Variants in FHIP1A observed in about 807,000 individuals in gnomAD.
FHIP1A encodes FHF complex subunit HOOK-interacting protein 1A.
A neutral mutation model predicts 88.6 loss-of-function variants in FHIP1A; 61 were observed. The observed-to-expected ratio is 0.69, with a 90% CI of 0.56 to 0.85. The LOEUF is 0.85. Ranked by LOEUF, FHIP1A falls within the 40% of genes least tolerant of loss-of-function variation. FHIP1A has a pLI of 0.00. For synonymous variants in FHIP1A, 478 were observed against 496.0 expected, an observed-to-expected ratio of 0.96 and a Z score of 0.48; for missense variants, 1,154 against 1,273.5, an observed-to-expected ratio of 0.91 and a Z score of 1.43.
chr4:151,659,722 C>T (rs942225094), intron 13 of FHIP1A, among the ~76,000 whole-genome samples: 4 of 152,204 alleles, frequency 2.6e-5, no homozygotes, highest in Non-Finnish European at 4.4e-5. Flanking sequence ...GTAACTCAGG[C>T]GTCTGTAGCC....
intron 7 of FHIP1A, among the ~76,000 whole-genome samples, chr4:151,623,542 T>TTTTTC (rs1735830984): frequency 3.9e-5 from 5 of 128,140 alleles, no homozygotes; most frequent in Non-Finnish European, 8.6e-5. Context: ...TTTTTTTTTT[T>TTTTTC]CGCCTCAATT....
intron 5 of FHIP1A, among the ~76,000 whole-genome samples, chr4:151,580,477 T>G (rs1733979347): frequency 6.6e-6 from 1 of 152,218 alleles, no homozygotes; most frequent in Non-Finnish European, 1.5e-5. Flanking sequence ...AAGTATTAAG[T>G]GGTAACTGTG....
intron 1 of FHIP1A, among the ~76,000 whole-genome samples, chr4:151,433,072 T>A (rs1180115312): frequency 1.3e-5 from 2 of 152,120 alleles, no homozygotes; most frequent in Non-Finnish European, 2.9e-5. Context: ...TTCAAGTGTG[T>A]GTGTGAGGGA....
chr4:151,655,643 T>TA (rs1382442870), intron 11 of FHIP1A, among the ~76,000 whole-genome samples: 1 of 152,216 alleles, frequency 6.6e-6, no homozygotes, highest in African/African-American at 2.4e-5. Flanking sequence ...TATTTTTTTT[T>TA]ATTGTTCCAC....
In FHIP1A at chr4:151,629,810, C is replaced by T; in HGVS notation, c.1087C>T (p.Gln363Ter). 1 of 1,551,458 alleles carries T rather than the reference C, an allele frequency of 6.4e-7. No homozygotes were observed. Among genetic ancestry groups the T allele is most frequent in the Admixed American group, 2.0e-5 (1 of 50,984 alleles). ...CTTCCTCCGTTTTATCCTATTGCAC[C>T]AGCACGAGAATGTCCACATCCTAGA... ...EIFLRFILLH[Q>*]HENVHILDTL... Residue 363 changes from glutamine to a stop codon, truncating the protein, a stop_gained, in exon 8 of 14, where the codon CAG becomes TAG. Coordinates refer to ENST00000435205, the MANE Select transcript of FHIP1A (RefSeq NM_001109977.3). LOFTEE classifies it high-confidence loss of function.
rs559018342 is a variant in FHIP1A at position 151,483,505 on chromosome 4, G to C, written c.-123+857G>C. Among the ~76,000 whole-genome samples the C allele has an allele frequency of 2.0e-5, 3 of 152,230 alleles. No individual in the cohort carries two copies. In the East Asian group the frequency reaches 5.8e-4, roughly 29 times the overall value. ...TTGACACTCTGGTCCAGTAAAATCAGACCTCTACCTAGGATCTTTGTAGTT... is the reference window on the plus strand; with the variant it reads ...TTGACACTCTGGTCCAGTAAAATCACACCTCTACCTAGGATCTTTGTAGTT... On this transcript the variant is annotated intron_variant, in intron 3 of 13. Transcript: ENST00000435205.
rs756912500 is a variant in FHIP1A at position 151,656,315 on chromosome 4, A to G, written c.2635A>G (p.Ile879Val). Reference sequence around the variant, plus strand: ...TGTTAATTTGCTGCTTATCGGGATCATTACTCAGCTAGCCAGCTACCCCCA... The same window carrying G: ...TGTTAATTTGCTGCTTATCGGGATCGTTACTCAGCTAGCCAGCTACCCCCA... ...LHVNLLLIGI[I>V]TQLASYPQPL... The change falls in exon 12 of 14, where the codon ATT becomes GTT. Residue 879 changes from isoleucine to valine, a missense_variant. Ile to Val is a conservative substitution (Grantham distance 29, BLOSUM62 3). Coordinates refer to ENST00000435205, the MANE Select transcript of FHIP1A (RefSeq NM_001109977.3). This position sits in a 1 kb window ranked among gnomAD's most constrained non-coding sequence, Gnocchi z 4.2. 4 of 1,551,604 alleles carry G rather than the reference A, an allele frequency of 2.6e-6. 1 individual carries two copies. In the South Asian group the frequency reaches 4.8e-5, roughly 18 times the overall value.
intron 11 of FHIP1A, among the ~76,000 whole-genome samples, chr4:151,654,651 G>A (rs1293710073): frequency 6.6e-6 from 1 of 152,204 alleles, no homozygotes; most frequent in African/African-American, 2.4e-5. Context: ...GAATTGTGTT[G>A]CGATGCCTTA....
intron 3 of FHIP1A, among the ~76,000 whole-genome samples, chr4:151,485,664 T>A (rs1313407920): frequency 1.3e-5 from 2 of 151,534 alleles, no homozygotes; most frequent in South Asian, 4.2e-4. Context: ...CATTCTTGGC[T>A]CACTGAAGCT....
At chr4:151,451,933 A>G (rs1416884463) in intron 1 of FHIP1A, among the ~76,000 whole-genome samples, 2 of 150,528 alleles carry the variant, frequency 1.3e-5, no homozygotes, top group African/African-American at 4.9e-5. Context: ...AGATCTTCCC[A>G]TCTCAGCCTT....
At chr4:151,646,278 G>A (rs575320998) in intron 9 of FHIP1A, among the ~76,000 whole-genome samples, 14 of 152,286 alleles carry the variant, frequency 9.2e-5, no homozygotes, top group African/African-American at 3.1e-4. Context: ...AGGTGACAGT[G>A]GGCACAAAGG....
intron 1 of FHIP1A, among the ~76,000 whole-genome samples, chr4:151,413,372 CA>C (rs1483911956): frequency 1.3e-5 from 2 of 152,086 alleles, no homozygotes; most frequent in Non-Finnish European, 2.9e-5. Flanking sequence ...GAGGAGGAGC[CA>C]GACAGGAATC....
At chr4:151,417,297 G>A (rs1732932866) in intron 1 of FHIP1A, among the ~76,000 whole-genome samples, 1 of 152,078 alleles carries the variant, frequency 6.6e-6, no homozygotes, top group Non-Finnish European at 1.5e-5. Flanking sequence ...CTATGTAAAT[G>A]AAGTAGTGGC....
Position 151,668,243 on chromosome 4 carries a change from C to T in FHIP1A, c.*5489C>T, listed in dbSNP as rs1737734533. Among the ~76,000 whole-genome samples, 1 of 152,098 alleles carries T rather than the reference C, an allele frequency of 6.6e-6. No individual in the cohort carries two copies. Among genetic ancestry groups the T allele is most frequent in the Non-Finnish European group, 1.5e-5 (1 of 68,018 alleles). On this transcript the variant is annotated 3_prime_UTR_variant, in exon 14 of 14. Coordinates refer to ENST00000435205, the MANE Select transcript of FHIP1A (RefSeq NM_001109977.3). The stretch of plus-strand genomic sequence containing the variant: ...TTTTGGTAATGGGTAAAGAATATGG[C>T]CTTTCAGATAGATCTGGTGGCTTTT...
At chr4:151,429,231 C>T (rs1733499067) in intron 1 of FHIP1A, among the ~76,000 whole-genome samples, 1 of 152,204 alleles carries the variant, frequency 6.6e-6, no homozygotes, top group Non-Finnish European at 1.5e-5. Flanking sequence ...GCAGGCAGTT[C>T]GCCTGTTTTT....
At chr4:151,596,173 T>C (rs1734640421) in intron 7 of FHIP1A, among the ~76,000 whole-genome samples, 1 of 152,218 alleles carries the variant, frequency 6.6e-6, no homozygotes, top group South Asian at 2.1e-4. Flanking sequence ...TGGTTTTTCT[T>C]TCTTATGTTT....
intron 3 of FHIP1A, among the ~76,000 whole-genome samples, chr4:151,557,926 G>A (rs1279399283): frequency 2.6e-5 from 4 of 152,304 alleles, no homozygotes; most frequent in Non-Finnish European, 4.4e-5. Context: ...ACACGTGTAT[G>A]TGCGTGTGCT....
chr4:151,588,196 AG>A (rs762010989), intron 6 of FHIP1A, among the ~76,000 whole-genome samples: 16 of 152,214 alleles, frequency 1.1e-4, no homozygotes, highest in Non-Finnish European at 1.9e-4. Flanking sequence ...ATATTAGTAG[AG>A]GGTTATCTAC....
chr4:151,513,305 C>G (rs1301202383), intron 3 of FHIP1A, among the ~76,000 whole-genome samples: 1 of 152,174 alleles, frequency 6.6e-6, no homozygotes, highest in Non-Finnish European at 1.5e-5. Context: ...GAAGGAAGCA[C>G]TAAACATGTA....
Sources: gnomAD v4.1 joint callset for allele counts (sites outside exome capture counted in the v4.1 genomes callset) on GRCh38, gnomAD v4.1.1 for gene constraint, Gnocchi (gnomAD v3.1) non-coding constraint, MANE v1.5 for transcripts, NCBI Gene and HGNC (gene_info 2026-07-23, HGNC 2026-07-21) for gene names.